The following IPO5 variants were observed in gnomAD, a reference collection of about 807,000 sequenced individuals.
The protein encoded by IPO5 is importin 5.
IPO5 carries 18 observed loss-of-function variants against 143.3 expected under a neutral mutation model. The observed-to-expected ratio is 0.13, with a 90% CI of 0.09 to 0.19. IPO5 has a LOEUF of 0.19. Ranked by LOEUF, IPO5 falls within the 10% of genes least tolerant of loss-of-function variation. IPO5 has a pLI of 1.00. For synonymous variants in IPO5, 477 were observed against 465.7 expected (o/e 1.02, Z -0.31); for missense variants, 1,013 against 1,336.9 (o/e 0.76, Z 3.78).
chr13:97,995,186 T>G lies in IPO5; in HGVS notation c.913+1961T>G, dbSNP rs372060536. ...TTCATTCTTTCTTTCTTTGTTTTTT[T>G]TTTTTTTGTTTGTTTAATAGGTTTA... is the stretch of plus-strand genomic sequence containing the variant. On this transcript the variant is annotated intron_variant, in intron 11 of 28. Coordinates refer to ENST00000651721, the MANE Select transcript of IPO5 (RefSeq NM_002271.6). Among the ~76,000 whole-genome samples the G allele has an allele frequency of 3.5e-3, 537 of 151,286 alleles. 4 individuals carry two copies. Among genetic ancestry groups the G allele is most frequent in the African/African-American group, 0.012 (503 of 41,170 alleles).
intron 2 of IPO5, among the ~76,000 whole-genome samples, chr13:97,965,443 A>G (rs1219290862): frequency 6.6e-6 from 1 of 152,148 alleles, no homozygotes; most frequent in Non-Finnish European, 1.5e-5. Context: ...TAAGGGAGGG[A>G]GGTATCACCA....
intron 28 of IPO5, 109 bp from the exon 29 acceptor site, chr13:98,021,627 A>G: frequency 2.0e-6 from 1 of 511,768 alleles, no homozygotes; most frequent in East Asian, 2.9e-5. Flanking sequence ...AAAATAATGT[A>G]CCTAGGGAGA....
intron 4 of IPO5, among the ~76,000 whole-genome samples, chr13:97,978,606 G>A (rs1391652609): frequency 2.0e-5 from 3 of 152,080 alleles, no homozygotes; most frequent in Non-Finnish European, 4.4e-5. Context: ...GGTAACTCTT[G>A]AGATAATTTT....
intron 25 of IPO5, among the ~76,000 whole-genome samples, chr13:98,017,711 C>T (rs186852260): frequency 1.3e-5 from 2 of 152,178 alleles, no homozygotes; most frequent in Admixed American, 6.5e-5. Flanking sequence ...ACCATTAACA[C>T]CCCCCATCAC....
chr13:97,977,946 C>G (rs1886519836), intron 4 of IPO5, among the ~76,000 whole-genome samples: 1 of 152,152 alleles, frequency 6.6e-6, no homozygotes, highest in Non-Finnish European at 1.5e-5. Context: ...TGAACTCAGG[C>G]CTGAAGACTT....
chr13:97,982,475 T>C, intron 4 of IPO5, 28 bp from the exon 5 acceptor site: 1 of 1,489,988 alleles, frequency 6.7e-7, no homozygotes, highest in South Asian at 1.2e-5. Context: ...TAACATTCTT[T>C]CCTAACCATT....
chr13:97,980,973 A>G (rs1717277962), intron 4 of IPO5, among the ~76,000 whole-genome samples: 1 of 152,228 alleles, frequency 6.6e-6, no homozygotes, highest in African/African-American at 2.4e-5. Flanking sequence ...ATGAAAACAT[A>G]CTACTGGTAT....
chr13:97,973,038 C>G (rs1021040608), intron 3 of IPO5, among the ~76,000 whole-genome samples: 1 of 76,366 alleles, frequency 1.3e-5, no homozygotes, highest in Admixed American at 1.7e-4. Context: ...CTTTTATCTT[C>G]TTTTTTTTTT....
chr13:98,014,805 G>C (rs1170053423), intron 22 of IPO5, among the ~76,000 whole-genome samples: 1 of 148,812 alleles, frequency 6.7e-6, no homozygotes, highest in African/African-American at 2.5e-5. Context: ...ATCATCTCCA[G>C]TTTCTGTTCT....
At position 97,985,459 on chromosome 13, in the gene IPO5, G is replaced by C; in HGVS notation, c.210G>C (p.Leu70Phe). ...CCGCCGTTCTCCTAAGACGTCTCTT[G>C]TCCTCTGCATTTGATGAAGTCTATC... ...QMAAVLLRRL[L>F]SSAFDEVYPA... The change falls in exon 6 of 29, where the codon TTG becomes TTC. Residue 70 changes from leucine (L) to phenylalanine (F), a missense_variant. This residue lies in a region of IPO5 where 328 missense variants were observed against 342.0 expected (regional missense o/e 0.96). Coordinates refer to ENST00000651721, the MANE Select transcript of IPO5 (RefSeq NM_002271.6). 1.9e-6 allele frequency: 3 copies of C among 1,614,110 alleles called. No homozygotes were observed. The highest frequency in any genetic ancestry group is 2.5e-6 in the Non-Finnish European group (3 of 1,180,026).
chr13:98,021,125 C>G lies in IPO5; in HGVS notation c.3199C>G (p.Gln1067Glu). ...CAKRLANVVR[Q>E]VQTSGGLWTE... is the part of the protein sequence containing the mutation. ...CAAACGTCTGGCCAATGTCGTTCGC[C>G]AAGTACAGGTAAGCTGATTTGGTTG... is the stretch of plus-strand genomic sequence containing the variant. The change falls in exon 28 of 29, where the codon CAA becomes GAA. Residue 1067 changes from glutamine to glutamate, a missense_variant. Gln to Glu is a conservative substitution (Grantham distance 29). Transcript: ENST00000651721. The G allele has an allele frequency of 6.2e-7, 1 of 1,602,860 alleles. No homozygotes were observed. The highest frequency in any genetic ancestry group is 8.5e-7 in the Non-Finnish European group (1 of 1,176,116).
chr13:97,996,891 C>T (rs1177668615), intron 11 of IPO5, among the ~76,000 whole-genome samples: 1 of 152,156 alleles, frequency 6.6e-6, no homozygotes, highest in Non-Finnish European at 1.5e-5. Context: ...CGCGCCTAGA[C>T]TTGTTTGATA....
intron 2 of IPO5, among the ~76,000 whole-genome samples, chr13:97,954,739 G>T (rs1409112230): frequency 2.0e-5 from 3 of 152,072 alleles, no homozygotes; most frequent in Non-Finnish European, 4.4e-5. Context: ...TAGATACCAG[G>T]GACTTGTCAA....
At chr13:98,010,780 C>CGTTTTTTTTTTT (rs1889639079) in intron 20 of IPO5, among the ~76,000 whole-genome samples, 1 of 70,030 alleles carries the variant, frequency 1.4e-5, no homozygotes, top group African/African-American at 9.5e-5. Context: ...AAGGATAATC[C>CGTTTTTTTTTTT]TTTTTTTTTT....
chr13:97,977,259 C>T (rs146915742), intron 4 of IPO5, among the ~76,000 whole-genome samples: 16 of 152,348 alleles, frequency 1.1e-4, no homozygotes, highest in Non-Finnish European at 1.9e-4. Flanking sequence ...CCCTGCTCAT[C>T]TCCCACACCG....
chr13:97,974,092 A>G (rs1886057455), intron 3 of IPO5, among the ~76,000 whole-genome samples: 1 of 152,186 alleles, frequency 6.6e-6, no homozygotes, highest in African/African-American at 2.4e-5. Context: ...TAATAATAAT[A>G]GTAACAAATA....
chr13:97,974,874 A>C (rs898156528), intron 3 of IPO5, among the ~76,000 whole-genome samples: 2 of 152,196 alleles, frequency 1.3e-5, no homozygotes, highest in Admixed American at 6.5e-5. Context: ...AAACTTTCTA[A>C]GAGAATTTTC....
rs551647541 is a variant in IPO5, at chr13:97,985,961, A to G, written c.364+348A>G. Among the ~76,000 whole-genome samples the G allele has an allele frequency of 4.4e-4, 67 of 152,220 alleles. 1 individual carries two copies. Among genetic ancestry groups the G allele is most frequent in the African/African-American group, 1.5e-3 (64 of 41,540 alleles). On this transcript the variant is annotated intron_variant, in intron 6 of 28. Transcript: ENST00000651721. ...AACATGGCAAAACCCCGTTTCTACAAAAAATTAGTGGGCGTGATGGTGTGC... is the reference window on the plus strand; with the variant it reads ...AACATGGCAAAACCCCGTTTCTACAGAAAATTAGTGGGCGTGATGGTGTGC...
intron 5 of IPO5, 21 bp from the exon 6 acceptor site, chr13:97,985,400 A>G (rs1338267109): frequency 1.3e-6 from 2 of 1,588,860 alleles, no homozygotes; most frequent in Non-Finnish European, 1.7e-6. Flanking sequence ...TCTAGTTATT[A>G]ACAATGTTAT....
Sources: allele counts gnomAD v4.1 joint callset (sites outside exome capture counted in the v4.1 genomes callset), GRCh38; gene constraint gnomAD v4.1.1; regional missense constraint gnomAD v4.1.1; transcripts MANE v1.5; gene names NCBI Gene and HGNC (gene_info 2026-07-23, HGNC 2026-07-21).